The following FRMD4B variants were observed in gnomAD, a reference collection of about 807,000 sequenced individuals.
FRMD4B encodes the protein FERM domain containing 4B, also known as FERM domain-containing protein 4B.
In FRMD4B, 74 loss-of-function variants were observed where a neutral mutation model predicts 141.5. The ratio of observed to expected loss-of-function variants is 0.52; its 90% CI spans 0.43 to 0.63. The LOEUF (loss-of-function observed/expected upper bound fraction) is 0.63. FRMD4B is among the 30% of genes least tolerant of loss of function. The pLI is 0.00. For missense variants in FRMD4B, 1,366 were observed against 1,253.4 expected (o/e 1.09, Z -1.36); for synonymous variants, 506 against 467.9 (o/e 1.08, Z -1.05).
At chr3:69,253,210 T>G (rs1366342122) in intron 5 of FRMD4B, among the ~76,000 whole-genome samples, 1 of 134,176 alleles carries the variant, frequency 7.5e-6, no homozygotes, top group Non-Finnish European at 1.6e-5. Context: ...TTTTTGCAGA[T>G]GATGGGAGGC....
At chr3:69,487,609 T>A (rs938918987) in intron 1 of FRMD4B, among the ~76,000 whole-genome samples, 1 of 152,214 alleles carries the variant, frequency 6.6e-6, no homozygotes, top group Non-Finnish European at 1.5e-5. Flanking sequence ...ACTCATAATC[T>A]GCTTCCTCTT....
chr3:69,230,513 A>C (rs1188903405), intron 7 of FRMD4B, among the ~76,000 whole-genome samples: 1 of 151,936 alleles, frequency 6.6e-6, no homozygotes, highest in African/African-American at 2.4e-5. Context: ...TGGGAGGCTC[A>C]GGTGGGTGGA....
intron 2 of FRMD4B, among the ~76,000 whole-genome samples, chr3:69,416,630 C>A (rs1049082464): frequency 6.6e-6 from 1 of 152,078 alleles, no homozygotes; most frequent in Non-Finnish European, 1.5e-5. Context: ...GTTTGCTGCA[C>A]CCATCAACCC....
intron 1 of FRMD4B, among the ~76,000 whole-genome samples, chr3:69,451,387 G>A (rs370026641): frequency 6.6e-6 from 1 of 152,190 alleles, no homozygotes; most frequent in African/African-American, 2.4e-5. Flanking sequence ...CTGTGATAAG[G>A]TTTATGAAGC....
upstream of FRMD4B, among the ~76,000 whole-genome samples, chr3:69,386,592 G>C (rs2106707257): frequency 6.6e-6 from 1 of 152,212 alleles, no homozygotes; most frequent in East Asian, 1.9e-4. Flanking sequence ...AAATCTCCAA[G>C]GCATCCCTTT....
rs1428993185 is a variant in FRMD4B, at chr3:69,231,021, TG to T, written c.582-6332del. Among the ~76,000 whole-genome samples, 3 of 152,250 alleles carry T rather than the reference TG, an allele frequency of 2.0e-5. No homozygotes were observed. In the East Asian group the frequency reaches 5.8e-4, roughly 29 times the overall value. On this transcript the variant is annotated intron_variant, in intron 7 of 22. Transcript: ENST00000398540. ...CAATCACACATAGGTGATAAAACTA[TG>T]AGGAAAGACAAGCACTCGATCTCAT...
chr3:69,509,282 G>C (rs912446480), intron 1 of FRMD4B, among the ~76,000 whole-genome samples: 1 of 152,124 alleles, frequency 6.6e-6, no homozygotes, highest in Non-Finnish European at 1.5e-5. Context: ...CTAACTCTAC[G>C]TCTTCACTTG....
At chr3:69,499,118 G>C (rs901772302) in intron 1 of FRMD4B, among the ~76,000 whole-genome samples, 1 of 152,288 alleles carries the variant, frequency 6.6e-6, no homozygotes, top group South Asian at 2.1e-4. Context: ...TGAGTGCAAA[G>C]GTCCTGAGGC....
At chr3:69,414,247 A>G (rs1437523532) in intron 2 of FRMD4B, among the ~76,000 whole-genome samples, 3 of 152,172 alleles carry the variant, frequency 2.0e-5, no homozygotes, top group Non-Finnish European at 4.4e-5. Flanking sequence ...TCAAACAGGA[A>G]ATAATCAAGG....
Position 69,205,059 on chromosome 3 carries a change from C to CAAAAAAAAAAAAAA in FRMD4B, c.877-6299_877-6286dup, listed in dbSNP as rs33955997. ...GTATGGGTATCTGTTATGTTTTTAA[C>CAAAAAAAAAAAAAA]AAAAAAAAAAAAAAAGAAAAAGAGA... On this transcript the variant is annotated intron_variant, in intron 11 of 22. Coordinates refer to ENST00000398540, the MANE Select transcript of FRMD4B (RefSeq NM_015123.3). Among the ~76,000 whole-genome samples, 730 of 124,294 alleles carry CAAAAAAAAAAAAAA rather than the reference C, an allele frequency of 5.9e-3. 40 individuals carry two copies. The highest frequency in any genetic ancestry group is 0.022 in the African/African-American group (677 of 31,042). 81.5% of individuals were successfully genotyped at this position (124,294 alleles called of 152,430 possible).
rs756666975 is a variant in FRMD4B, at chr3:69,448,341, CT to C, written c.-128-15581del. ...CACCACGCCTGGCCCCAGTACAAAT[CT>C]TTTATGGGCATATATTTTCATTGCT... On this transcript the variant is annotated intron_variant, in intron 1 of 5. Coordinates refer to the FRMD4B transcript ENST00000459638. Among the ~76,000 whole-genome samples the C allele has an allele frequency of 1.4e-3, 213 of 152,254 alleles. 1 individual carries two copies. Among genetic ancestry groups the C allele is most frequent in the Non-Finnish European group, 2.6e-3 (176 of 67,988 alleles).
intron 1 of FRMD4B, among the ~76,000 whole-genome samples, chr3:69,516,612 G>C (rs186010169): frequency 6.6e-6 from 1 of 152,318 alleles, no homozygotes; most frequent in East Asian, 1.9e-4. Flanking sequence ...CTGAGCTACA[G>C]AGCTATAATG....
chr3:69,304,483 CAAA>C (rs1313360753), intron 3 of FRMD4B, among the ~76,000 whole-genome samples: 1 of 67,604 alleles, frequency 1.5e-5, no homozygotes, highest in Non-Finnish European at 3.0e-5. Flanking sequence ...GATTCTATCT[CAAA>C]AAAAAAAAAA....
chr3:69,225,692 CTCAAAAAAAAAAAAAAAA>C (rs1559732975), intron 7 of FRMD4B, among the ~76,000 whole-genome samples: 3 of 67,144 alleles, frequency 4.5e-5, no homozygotes, highest in Non-Finnish European at 7.3e-5. Flanking sequence ...AAGACTCCGT[CTCAAAAAAAAAAAAAAAA>C]AAAAAAAAAA....
At chr3:69,179,129 C>T (rs1162239430) in intron 21 of FRMD4B, among the ~76,000 whole-genome samples, 2 of 152,114 alleles carry the variant, frequency 1.3e-5, no homozygotes, top group African/African-American at 4.8e-5. Context: ...ACTGATTCCA[C>T]CCCTGTAGTT....
intron 1 of FRMD4B, among the ~76,000 whole-genome samples, chr3:69,324,423 G>C (rs1430976689): frequency 6.6e-6 from 1 of 152,232 alleles, no homozygotes; most frequent in African/African-American, 2.4e-5. Context: ...AAGACTGAAA[G>C]GGCATTATCT....
At chr3:69,355,693 G>T (rs1307820459) in intron 1 of FRMD4B, among the ~76,000 whole-genome samples, 1 of 152,058 alleles carries the variant, frequency 6.6e-6, no homozygotes, top group African/African-American at 2.4e-5. Context: ...CTCAGGTTAT[G>T]GTGTGAGAAC....
chr3:69,381,389 C>A (rs1174059012), intron 1 of FRMD4B, among the ~76,000 whole-genome samples: 1 of 152,078 alleles, frequency 6.6e-6, no homozygotes, highest in Non-Finnish European at 1.5e-5. Context: ...AAAAGAACAC[C>A]CCCAGGAGAC....
chr3:69,226,431 T>A (rs1380200926), intron 7 of FRMD4B, among the ~76,000 whole-genome samples: 4 of 152,174 alleles, frequency 2.6e-5, no homozygotes, highest in Non-Finnish European at 5.9e-5. Flanking sequence ...TTTACTTTTT[T>A]TTTTTTTTCC....
Sources: allele counts gnomAD v4.1 joint callset (sites outside exome capture counted in the v4.1 genomes callset), GRCh38; gene constraint gnomAD v4.1.1; transcripts MANE v1.5; gene names NCBI Gene and HGNC (gene_info 2026-07-23, HGNC 2026-07-21).